ERI1: variants seen among roughly 807,000 people sequenced by gnomAD.
ERI1 encodes the protein 3'-5' exoribonuclease 1.
A neutral mutation model predicts 39.7 loss-of-function variants in ERI1; 39 were observed. The observed-to-expected ratio is 0.98, with a 90% CI of 0.76 to 1.28. The LOEUF (loss-of-function observed/expected upper bound fraction) is 1.28, where lower values mean the gene tolerates loss of function less well. Among genes scored for constraint, ERI1 ranks in the 50% most tolerant of loss-of-function variants. The pLI is 0.00. For missense variants in ERI1, 581 were observed against 416.9 expected, an observed-to-expected ratio of 1.39 and a Z score of -3.43; for synonymous variants, 204 against 149.6, an observed-to-expected ratio of 1.36 and a Z score of -2.65.
intron 3 of ERI1, among the ~76,000 whole-genome samples, chr8:9,075,488 CTT>C (rs564946590): frequency 4.9e-5 from 7 of 142,362 alleles, no homozygotes; most frequent in Non-Finnish European, 4.6e-5. Flanking sequence ...CTGAACATGC[CTT>C]TTTTTTTTTT....
chr8:9,041,765 G>C (rs981838167), intron 3 of ERI1, among the ~76,000 whole-genome samples: 1 of 152,154 alleles, frequency 6.6e-6, no homozygotes, highest in Non-Finnish European at 1.5e-5. Context: ...ACAGAGTTTC[G>C]CTGTTGTCGC....
intron 3 of ERI1, among the ~76,000 whole-genome samples, chr8:9,053,040 G>A (rs147907485): frequency 5.3e-5 from 8 of 152,132 alleles, no homozygotes; most frequent in Admixed American, 1.3e-4. Flanking sequence ...TGTTTGAGAC[G>A]GAGTCTTGCT....
At chr8:9,051,238 G>A (rs893316690) in intron 3 of ERI1, among the ~76,000 whole-genome samples, 1 of 151,998 alleles carries the variant, frequency 6.6e-6, no homozygotes, top group African/African-American at 2.4e-5. Flanking sequence ...CCACGGTTGA[G>A]GGACTGCATC....
chr8:9,031,800 C>T lies in ERI1; in HGVS notation c.*1766C>T, dbSNP rs543384357. Reference sequence around the variant, plus strand: ...TGAGACAGAGTTTTTGCTCGTCTGCCAGGATGGAGTGCAGTGGTGCGATCT... The same window carrying T: ...TGAGACAGAGTTTTTGCTCGTCTGCTAGGATGGAGTGCAGTGGTGCGATCT... On this transcript the variant is annotated 3_prime_UTR_variant, in exon 7 of 7. Coordinates refer to ENST00000250263, the MANE Select transcript of ERI1 (RefSeq NM_153332.4). The T allele has an allele frequency of 2.0e-5, 3 of 152,380 alleles. No homozygotes were observed. The highest frequency in any genetic ancestry group is 2.1e-4 in the South Asian group (1 of 4,824). The allele number at this position is 152,380 out of a possible 1,614,324, so 9.4% of individuals were successfully genotyped here.
At chr8:9,009,860 G>T (rs1816479838) in intron 2 of ERI1, among the ~76,000 whole-genome samples, 1 of 152,178 alleles carries the variant, frequency 6.6e-6, no homozygotes, top group South Asian at 2.1e-4. Flanking sequence ...TATTTTGTCT[G>T]CAGTACACAG....
intron 6 of ERI1, among the ~76,000 whole-genome samples, chr8:9,021,581 C>A (rs753137342): frequency 1.3e-5 from 2 of 152,142 alleles, no homozygotes; most frequent in African/African-American, 4.8e-5. Flanking sequence ...AGCAAATACC[C>A]TTGTAACTTC....
At chr8:9,090,743 G>C (rs1240847096) in intron 3 of ERI1, among the ~76,000 whole-genome samples, 1 of 152,126 alleles carries the variant, frequency 6.6e-6, no homozygotes, top group African/African-American at 2.4e-5. Flanking sequence ...TGGTTTCAAA[G>C]TAATAATAAG....
chr8:9,058,983 G>A (rs1034063191), intron 3 of ERI1, among the ~76,000 whole-genome samples: 1 of 152,102 alleles, frequency 6.6e-6, no homozygotes, highest in Non-Finnish European at 1.5e-5. Context: ...TATTTCACCT[G>A]GGTACAGGTG....
At position 9,029,767 on chromosome 8, in the gene ERI1, A is replaced by G. The variant is rs144021344; in HGVS notation, c.808-25A>G. The G allele has an allele frequency of 3.0e-5, 48 of 1,613,318 alleles. No individual in the cohort carries two copies. In the African/African-American group the frequency reaches 6.1e-4, roughly 21 times the overall value. ...TTACAGTTTAGAACACCAAAGAATT[A>G]TTTACTAAGCTGTTTATTTTTCAGG... is the stretch of plus-strand genomic sequence containing the variant. On this transcript the variant is annotated intron_variant, in intron 6 of 6. Transcript: ENST00000250263.
At chr8:9,024,200 T>C (rs1359226025) in intron 6 of ERI1, among the ~76,000 whole-genome samples, 3 of 152,238 alleles carry the variant, frequency 2.0e-5, no homozygotes, top group African/African-American at 7.2e-5. Flanking sequence ...AATACATTTC[T>C]GTGAAATAAT....
At chr8:9,086,903 C>G (rs374556138) in intron 3 of ERI1, among the ~76,000 whole-genome samples, 124 of 152,220 alleles carry the variant, frequency 8.1e-4, no homozygotes, top group African/African-American at 2.8e-3. Flanking sequence ...ATTTATATGC[C>G]TACATTATAA....
intron 3 of ERI1, among the ~76,000 whole-genome samples, chr8:9,015,637 G>T (rs1468918927): frequency 1.3e-5 from 2 of 148,804 alleles, no homozygotes; most frequent in African/African-American, 5.0e-5. Context: ...CAGGAGAATG[G>T]CGTGAACCTG....
intron 3 of ERI1, among the ~76,000 whole-genome samples, chr8:9,086,232 G>A (rs1799521760): frequency 6.6e-6 from 1 of 152,086 alleles, no homozygotes; most frequent in Non-Finnish European, 1.5e-5. Flanking sequence ...TGGACAAGAT[G>A]GTGAGACCAC....
chr8:9,035,502 C>G (rs1161304018), downstream of ERI1, among the ~76,000 whole-genome samples: 1 of 152,102 alleles, frequency 6.6e-6, no homozygotes, highest in Non-Finnish European at 1.5e-5. Context: ...GACAGCACAT[C>G]TGTTTACTAC....
chr8:9,040,380 G>A (rs1797977657), intron 3 of ERI1, among the ~76,000 whole-genome samples: 2 of 152,318 alleles, frequency 1.3e-5, no homozygotes, highest in South Asian at 2.1e-4. Flanking sequence ...GACTTTCCGG[G>A]TGGTAGGAGG....
chr8:9,046,183 A>G (rs1243061401), intron 3 of ERI1, among the ~76,000 whole-genome samples: 1 of 152,202 alleles, frequency 6.6e-6, no homozygotes, highest in Non-Finnish European at 1.5e-5. Context: ...GGTCTTGCTG[A>G]TGGAATGTGA....
chr8:9,011,315 T>TA, intron 2 of ERI1, among the ~76,000 whole-genome samples: 1 of 152,092 alleles, frequency 6.6e-6, no homozygotes, highest in East Asian at 1.9e-4. Context: ...ACTACTAAAA[T>TA]AAAAAAAGAC....
chr8:9,016,988 T>G (rs558357783), intron 4 of ERI1, among the ~76,000 whole-genome samples: 24 of 152,252 alleles, frequency 1.6e-4, no homozygotes, highest in Admixed American at 5.2e-4. Context: ...CAGCCAGAGA[T>G]AAGTTTTAGA....
intron 3 of ERI1, among the ~76,000 whole-genome samples, chr8:9,086,525 G>A (rs1037544678): frequency 5.3e-5 from 8 of 152,208 alleles, no homozygotes; most frequent in African/African-American, 1.9e-4. Flanking sequence ...ACTCCAGCCT[G>A]GGTCACAGTG....
Sources: gnomAD v4.1 joint callset for allele counts (sites outside exome capture counted in the v4.1 genomes callset) on GRCh38, gnomAD v4.1.1 for gene constraint, MANE v1.5 for transcripts, NCBI Gene and HGNC (gene_info 2026-07-23, HGNC 2026-07-21) for gene names.